The following CEP290 variants were observed in gnomAD, a reference collection of about 807,000 sequenced individuals.
CEP290 encodes centrosomal protein 290.
Under a neutral mutation model 344.9 loss-of-function variants are expected in CEP290, and 317 were observed. That is an observed-to-expected ratio of 0.92 (90% CI 0.84 to 1.01). The LOEUF is 1.01. CEP290 is among the 50% of genes least tolerant of loss of function. CEP290 has a pLI of 0.00. For synonymous variants in CEP290, 932 were observed against 895.8 expected (o/e 1.04, Z -0.72); for missense variants, 2,754 against 2,761.4 (o/e 1.00, Z 0.06).
In CEP290 at chr12:88,060,898, T is replaced by G. The variant is rs2034429158; in HGVS notation, c.6454A>C (p.Lys2152Gln). ...EKVQRENEQLKKASGILTSEK... is the reference protein window; with the variant it reads ...EKVQRENEQLQKASGILTSEK... ...CTAGTCAATATTCCTGATGCTTTTTTCAACTGTTCATTTTCTCTCTGGACT... is the reference window on the plus strand; with the variant it reads ...CTAGTCAATATTCCTGATGCTTTTTGCAACTGTTCATTTTCTCTCTGGACT... The change falls in exon 47 of 54, where the codon AAA becomes CAA. Residue 2152 changes from lysine to glutamine, a missense_variant. Coordinates refer to ENST00000552810, the MANE Select transcript of CEP290 (RefSeq NM_025114.4). 6.4e-7 allele frequency: 1 copy of G among 1,554,464 alleles called. No homozygotes were observed. Among genetic ancestry groups the G allele is most frequent in the African/African-American group, 1.4e-5 (1 of 73,584 alleles).
intron 30 of CEP290, 91 bp from the exon 31 acceptor site, chr12:88,089,578 A>G: frequency 2.1e-6 from 2 of 945,710 alleles, no homozygotes; most frequent in East Asian, 2.7e-5. Flanking sequence ...TTACTAAGCA[A>G]AGTTTTAACA....
At chr12:88,136,510 TA>T in intron 6 of CEP290, 132 bp downstream of exon 6, 1 of 860,276 alleles carries the variant, frequency 1.2e-6, no homozygotes, top group South Asian at 1.6e-5. Context: ...AACAGTGATA[TA>T]AAACCTTAGA....
At chr12:88,096,004 C>T (rs566034374) in intron 27 of CEP290, among the ~76,000 whole-genome samples, 7 of 152,010 alleles carry the variant, frequency 4.6e-5, no homozygotes, top group Non-Finnish European at 8.8e-5. Flanking sequence ...CACTCAAACA[C>T]ATTAGGCTAT....
chr12:88,086,569 A>T (rs1027689399), intron 32 of CEP290, 71 bp from the exon 33 acceptor site: 12 of 1,029,870 alleles, frequency 1.2e-5, no homozygotes, highest in African/African-American at 1.6e-5. Flanking sequence ...TTTTATATAT[A>T]TTTTCTTATC....
Position 88,129,028 on chromosome 12 carries a change from TCCTGCA to T in CEP290, c.854_859del (p.Val285_Gln286del), listed in dbSNP as rs2039902001. 3 of 1,454,938 alleles carry T rather than the reference TCCTGCA, an allele frequency of 2.1e-6. No homozygotes were observed. Among genetic ancestry groups the T allele is most frequent in the Non-Finnish European group, 2.7e-6 (3 of 1,113,650 alleles). The allele number at this position is 1,454,938 out of a possible 1,614,324, so 90.1% of individuals were successfully genotyped here. A position where few individuals can be genotyped will look rare whatever the true frequency, so the allele number is the denominator to read the frequency against. ...TTTTGATTTCAGAAGATCTGTAAGC[TCCTGCA>T]CCTAAAAGACAAAGTTATTTCAAGA... On this transcript the variant is annotated inframe_deletion and splice_region_variant, in exon 11 of 54. Coordinates refer to ENST00000552810, the MANE Select transcript of CEP290 (RefSeq NM_025114.4).
chr12:88,105,997 T>C (rs1216706217), intron 25 of CEP290, among the ~76,000 whole-genome samples: 1 of 152,166 alleles, frequency 6.6e-6, no homozygotes, highest in Non-Finnish European at 1.5e-5. Flanking sequence ...CTCAGGAAAT[T>C]TTCCTGCCTG....
rs1233557572 is a variant in CEP290 at position 88,084,746 on chromosome 12, C to T, written c.4544G>A (p.Arg1515Lys). 11 of 1,613,576 alleles carry T rather than the reference C, an allele frequency of 6.8e-6. No homozygotes were observed. Among genetic ancestry groups the T allele is most frequent in the Non-Finnish European group, 9.3e-6 (11 of 1,179,740 alleles). ...LRLRLPATAE[R>K]EKLIAELGRK... is the part of the protein sequence containing the mutation. ...GCCTAGCTCAGCTATGAGCTTTTCT[C>T]TTTCTGCAGTGGCAGGCAATCGAAG... The change falls in exon 35 of 54, where the codon AGA becomes AAA. Residue 1515 changes from arginine to lysine, a missense_variant. Coordinates refer to ENST00000552810, the MANE Select transcript of CEP290 (RefSeq NM_025114.4).
chr12:88,118,259 T>C (rs1443037677), intron 17 of CEP290, among the ~76,000 whole-genome samples: 9 of 152,104 alleles, frequency 5.9e-5, no homozygotes, highest in Admixed American at 3.9e-4. Flanking sequence ...CTTTTTTGTT[T>C]GCTTGGTTTT....
intron 32 of CEP290, among the ~76,000 whole-genome samples, 193 bp from the exon 33 acceptor site, chr12:88,086,691 A>C (rs1054575700): frequency 2.1e-5 from 1 of 48,004 alleles, no homozygotes; most frequent in African/African-American, 4.6e-5. Flanking sequence ...GATGTGAAGT[A>C]AGGATTTCAG....
chr12:88,050,297 A>C (rs1354323801), intron 53 of CEP290, 57 bp downstream of exon 53: 2 of 826,584 alleles, frequency 2.4e-6, no homozygotes, highest in Non-Finnish European at 4.0e-6. Context: ...ATGGTAATGA[A>C]AATAGTTTTC....
At chr12:88,128,104 T>G (rs1163349532) in intron 11 of CEP290, among the ~76,000 whole-genome samples, 1 of 152,090 alleles carries the variant, frequency 6.6e-6, no homozygotes, top group Non-Finnish European at 1.5e-5. Context: ...GCTCACTCAT[T>G]TACGTATTGT....
Position 88,131,213 on chromosome 12 carries a change from A to C in CEP290, c.447T>G (p.Ala149=). ...CATTTTCTGCCTCCTCATTTCGAAG[A>C]GCCAACTAAAATAGTAAAAAAAAAA... ...EKEKKVNEQL[A]LRNEEAENEN... is the part of the protein sequence containing the mutation. Residue 149 remains alanine, a synonymous_variant, in exon 7 of 54, where the codon GCT becomes GCG. Transcript: ENST00000552810. The C allele has an allele frequency of 1.3e-5, 19 of 1,499,654 alleles. No homozygotes were observed. The highest frequency in any genetic ancestry group is 7.7e-5 in the East Asian group (3 of 38,972). The allele number at this position is 1,499,654 out of a possible 1,614,324, so 92.9% of individuals were successfully genotyped here.
chr12:88,096,432 T>C (rs1592549127), intron 27 of CEP290, among the ~76,000 whole-genome samples: 2 of 152,062 alleles, frequency 1.3e-5, no homozygotes, highest in South Asian at 4.1e-4. Flanking sequence ...TGTAAGCATA[T>C]AGGAGCAAAA....
chr12:88,086,442 T>C lies in CEP290; in HGVS notation c.4251A>G (p.Gln1417=), dbSNP rs775279240. The C allele has an allele frequency of 1.2e-6, 2 of 1,600,672 alleles. No individual in the cohort carries two copies. Among genetic ancestry groups the C allele is most frequent in the African/African-American group, 2.7e-5 (2 of 74,762 alleles). ...WDQREVDLER[Q]LDIFDRQQNE... is the part of the protein sequence containing the mutation. ...TTTGCTGACGGTCAAAAATGTCTAGTTGGCGTTCCAGGTCAACTTCTCTTT... is the reference window on the plus strand; with the variant it reads ...TTTGCTGACGGTCAAAAATGTCTAGCTGGCGTTCCAGGTCAACTTCTCTTT... The change falls in exon 33 of 54, where the codon CAA becomes CAG. Residue 1417 remains glutamine (Q), a synonymous_variant. Transcript: ENST00000552810.
intron 18 of CEP290, chr12:88,115,450 C>T: frequency 7.8e-7 from 1 of 1,274,312 alleles, no homozygotes; most frequent in Non-Finnish European, 1.0e-6. Flanking sequence ...CCACAATCAT[C>T]TCTTTTAATG....
intron 13 of CEP290, among the ~76,000 whole-genome samples, chr12:88,121,396 T>C (rs1253544232): frequency 5.3e-5 from 8 of 152,136 alleles, no homozygotes; most frequent in Admixed American, 3.3e-4. Context: ...TTTTAAAAGG[T>C]TGCAAAATAC....
chr12:88,097,610 TACACACACAC>T (rs34989046), intron 26 of CEP290, among the ~76,000 whole-genome samples: 12 of 144,244 alleles, frequency 8.3e-5, no homozygotes, highest in South Asian at 2.2e-4. Context: ...CACACACACA[TACACACACAC>T]ACACACACAC....
chr12:88,140,907 T>C, intron 3 of CEP290, 49 bp downstream of exon 3: 2 of 1,234,632 alleles, frequency 1.6e-6, no homozygotes, highest in South Asian at 2.9e-5. Context: ...CAGATTTTTA[T>C]AGTTCCACTA....
Position 88,111,342 on chromosome 12 carries a change from G to A in CEP290, c.2227C>T (p.Leu743Phe), listed in dbSNP as rs751441268. ...CGTAAAAGACTAGTTTCTTTTTCAA[G>A]ATGGTCTATCTGGAAAAAAAAATCC... ...LAKANLKIDH[L>F]EKETSLLRQS... The change falls in exon 22 of 54, where the codon CTT (leucine) becomes TTT (phenylalanine). Residue 743 changes from leucine to phenylalanine, a missense_variant. Physicochemically the swap from Leu to Phe is conservative, Grantham distance 22 (BLOSUM62 0). Coordinates refer to ENST00000552810, the MANE Select transcript of CEP290 (RefSeq NM_025114.4). 9.0e-6 allele frequency: 14 copies of A among 1,563,254 alleles called. No individual in the cohort carries two copies. Among genetic ancestry groups the A allele is most frequent in the Non-Finnish European group, 1.2e-5 (14 of 1,156,164 alleles).
Sources: gnomAD v4.1 joint callset for allele counts (sites outside exome capture counted in the v4.1 genomes callset) on GRCh38, gnomAD v4.1.1 for gene constraint, MANE v1.5 for transcripts, NCBI Gene and HGNC (gene_info 2026-07-23, HGNC 2026-07-21) for gene names.